Variants in ZNF200 observed in about 807,000 individuals in gnomAD.
ZNF200 encodes the protein zinc finger protein 200.
Under a neutral mutation model 33.6 loss-of-function variants are expected in ZNF200, and 35 were observed. That is an observed-to-expected ratio of 1.04 (90% CI 0.80 to 1.38). The LOEUF (loss-of-function observed/expected upper bound fraction) is 1.38, where lower values mean the gene tolerates loss of function less well. Ranked by LOEUF, ZNF200 falls within the 40% of genes most tolerant of loss-of-function variation. The pLI is 0.00. For synonymous variants in ZNF200, 209 were observed against 167.7 expected, an observed-to-expected ratio of 1.25 and a Z score of -1.90; for missense variants, 592 against 470.6, an observed-to-expected ratio of 1.26 and a Z score of -2.39.
intron 4 of ZNF200, chr16:3,226,550 T>C (rs1459872267): frequency 2.0e-5 from 3 of 152,254 alleles, no homozygotes; most frequent in East Asian, 1.9e-4. Flanking sequence ...AGTTTTACTT[T>C]GGATTTTCAT....
chr16:3,226,183 G>C (rs1003138536), intron 4 of ZNF200: 1 of 150,904 alleles, frequency 6.6e-6, no homozygotes, highest in African/African-American at 2.4e-5. Context: ...CTCCCCAGTA[G>C]CTGGGACTAC....
intron 4 of ZNF200, among the ~76,000 whole-genome samples, chr16:3,230,374 A>G (rs1958603918): frequency 6.6e-6 from 1 of 152,152 alleles, no homozygotes; most frequent in African/African-American, 2.4e-5. Context: ...TTTATTATTA[A>G]TTTCTAGTTG....
chr16:3,232,572 A>G lies in ZNF200; in HGVS notation c.340-25T>C, dbSNP rs765901866. On this transcript the variant is annotated intron_variant, in intron 3 of 4. Coordinates refer to ENST00000414144, the MANE Select transcript of ZNF200 (RefSeq NM_198088.3). The stretch of plus-strand genomic sequence containing the variant: ...CCTGAAAGAGCAAGAGGCCCCTTTC[A>G]TCTTAGTAACTGAGGTTCACTGACA... 10 of 1,611,210 alleles carry G rather than the reference A, an allele frequency of 6.2e-6. No individual in the cohort carries two copies. In the South Asian group the frequency reaches 1.1e-4, roughly 18 times the overall value.
chr16:3,232,412 A>G lies in ZNF200; in HGVS notation c.466+9T>C, dbSNP rs756778102. 1.2e-5 allele frequency: 20 copies of G among 1,612,776 alleles called. No individual in the cohort carries two copies. In the South Asian group the frequency reaches 1.5e-4, roughly 12 times the overall value. On this transcript the variant is annotated intron_variant, in intron 4 of 4. Transcript: ENST00000414144. ...ACAACCTGAACACACAAAGGCTGTGATTTCTTACCCAGTAACATCATTTCC... is the reference window on the plus strand; with the variant it reads ...ACAACCTGAACACACAAAGGCTGTGGTTTCTTACCCAGTAACATCATTTCC...
chr16:3,230,109 A>G (rs1328526379), intron 4 of ZNF200, among the ~76,000 whole-genome samples: 1 of 151,900 alleles, frequency 6.6e-6, no homozygotes, highest in Non-Finnish European at 1.5e-5. Context: ...GCACCTTCCT[A>G]CTCTCTTTCT....
At chr16:3,228,505 T>C (rs1057239796) in intron 4 of ZNF200, among the ~76,000 whole-genome samples, 2 of 151,812 alleles carry the variant, frequency 1.3e-5, no homozygotes, top group Non-Finnish European at 2.9e-5. Context: ...TTTTTAATTA[T>C]TTTTTTTGAG....
At chr16:3,229,669 T>C (rs997377652) in intron 4 of ZNF200, among the ~76,000 whole-genome samples, 2 of 151,900 alleles carry the variant, frequency 1.3e-5, no homozygotes, top group Non-Finnish European at 2.9e-5. Context: ...ATTGAGACCA[T>C]CCTGGCTAAC....
intron 1 of ZNF200, 180 bp from the exon 2 acceptor site, chr16:3,234,016 T>G (rs996762823): frequency 2.8e-6 from 1 of 357,384 alleles, no homozygotes; most frequent in Admixed American, 4.9e-5. Flanking sequence ...GAAAGGAAGA[T>G]CCTGAGAATG....
At position 3,223,720 on chromosome 16, in the gene ZNF200, T is replaced by G. The variant is rs1958389797; in HGVS notation, c.*172A>C. On this transcript the variant is annotated 3_prime_UTR_variant, in exon 5 of 5. Transcript: ENST00000414144. The stretch of plus-strand genomic sequence containing the variant: ...ATAGCCCTTGAAATGTTTTCTTCCC[T>G]GTGAATTTTCTAGCAATTTGAGGTT... The G allele has an allele frequency of 9.8e-7, 1 of 1,019,140 alleles. No individual in the cohort carries two copies. The highest frequency in any genetic ancestry group is 2.8e-5 in the Admixed American group (1 of 35,436). The allele number at this position is 1,019,140 out of a possible 1,614,324, so 63.1% of individuals were successfully genotyped here. A position where few individuals can be genotyped will look rare whatever the true frequency, so the allele number is the denominator to read the frequency against.
chr16:3,232,625 CAAAG>C (rs1455577799), intron 3 of ZNF200, 78 bp from the exon 4 acceptor site: 2 of 1,578,596 alleles, frequency 1.3e-6, no homozygotes, highest in African/African-American at 2.7e-5. Context: ...AGCTGACACA[CAAAG>C]ATCAAGGGAA....
In ZNF200 at chr16:3,223,722, T is replaced by C. The variant is rs1329263255; in HGVS notation, c.*170A>G. ...AGCCCTTGAAATGTTTTCTTCCCTG[T>C]GAATTTTCTAGCAATTTGAGGTTTT... On this transcript the variant is annotated 3_prime_UTR_variant, in exon 5 of 5. Transcript: ENST00000414144. The C allele has an allele frequency of 9.6e-7, 1 of 1,044,086 alleles. No homozygotes were observed. The highest frequency in any genetic ancestry group is 2.5e-5 in the East Asian group (1 of 40,270). 64.7% of individuals were successfully genotyped at this position (1,044,086 alleles called of 1,614,324 possible).
intron 4 of ZNF200, 32 bp downstream of exon 4, chr16:3,232,389 A>G (rs1958657592): frequency 1.0e-5 from 16 of 1,607,818 alleles, no homozygotes; most frequent in African/African-American, 1.3e-5. Flanking sequence ...CAAAGCAAAC[A>G]ACCTGAACAC....
In ZNF200 at chr16:3,233,359, G is replaced by A. The variant is rs77243237; in HGVS notation, c.250+147C>T. ...GTGGCCTTACTCACACCCAGCACTT[G>A]AGAAGAACTTCCTCTTTCCAACACT... is the stretch of plus-strand genomic sequence containing the variant. On this transcript the variant is annotated intron_variant, in intron 2 of 4. Coordinates refer to ENST00000414144, the MANE Select transcript of ZNF200 (RefSeq NM_198088.3). 2.7e-4 allele frequency: 313 copies of A among 1,150,618 alleles called. No homozygotes were observed. The African/African-American group carries it at 4.3e-3, about 16-fold the overall frequency. 71.3% of individuals were successfully genotyped at this position (1,150,618 alleles called of 1,614,324 possible). A position where few individuals can be genotyped will look rare whatever the true frequency, so the allele number is the denominator to read the frequency against.
At chr16:3,230,245 C>G (rs1282727914) in intron 4 of ZNF200, among the ~76,000 whole-genome samples, 1 of 152,216 alleles carries the variant, frequency 6.6e-6, no homozygotes, top group Non-Finnish European at 1.5e-5. Flanking sequence ...CCAAATAAAC[C>G]TCTTTTCTTT....
chr16:3,228,134 T>G (rs1008419146), intron 4 of ZNF200, among the ~76,000 whole-genome samples: 4 of 152,174 alleles, frequency 2.6e-5, no homozygotes, highest in Admixed American at 6.5e-5. Flanking sequence ...AGTTTATTCC[T>G]AAGTATTTAA....
Position 3,223,324 on chromosome 16 carries a change from G to C in ZNF200, c.*568C>G, listed in dbSNP as rs1362580737. ...GCAAATTTAGATCACATACAAATGA[G>C]AGTCTGACATTCAACTGTTTTCCTA... On this transcript the variant is annotated 3_prime_UTR_variant, in exon 5 of 5. Coordinates refer to ENST00000414144, the MANE Select transcript of ZNF200 (RefSeq NM_198088.3). 6.6e-6 allele frequency: 1 copy of C among 152,216 alleles called. No homozygotes were observed. The highest frequency in any genetic ancestry group is 1.5e-5 in the Non-Finnish European group (1 of 68,110). 9.4% of individuals were successfully genotyped at this position (152,216 alleles called of 1,614,324 possible).
intron 4 of ZNF200, chr16:3,227,527 T>A (rs1381848933): frequency 1.3e-5 from 2 of 152,222 alleles, no homozygotes; most frequent in Non-Finnish European, 2.9e-5. Flanking sequence ...CCAAATCTCA[T>A]CTTAAATTGT....
intron 4 of ZNF200, among the ~76,000 whole-genome samples, chr16:3,230,449 T>C (rs1427894812): frequency 6.6e-6 from 1 of 152,224 alleles, no homozygotes; most frequent in Non-Finnish European, 1.5e-5. Flanking sequence ...GTTTGTTGCC[T>C]AGTATTTAGT....
intron 4 of ZNF200, chr16:3,225,766 G>A (rs1958451187): frequency 6.6e-6 from 1 of 152,076 alleles, no homozygotes; most frequent in Non-Finnish European, 1.5e-5. Context: ...GGATATACTT[G>A]TGTGACAAGG....
Sources: gnomAD v4.1 joint callset for allele counts (sites outside exome capture counted in the v4.1 genomes callset) on GRCh38, gnomAD v4.1.1 for gene constraint, MANE v1.5 for transcripts, NCBI Gene and HGNC (gene_info 2026-07-23, HGNC 2026-07-21) for gene names.